The following CCDC192 variants were observed in gnomAD, a reference collection of about 807,000 sequenced individuals.
CCDC192 encodes the protein coiled-coil domain-containing protein 192.
chr5:127,733,851 T>A (rs1752791841), intron 2 of CCDC192, among the ~76,000 whole-genome samples: 1 of 151,320 alleles, frequency 6.6e-6, no homozygotes, highest in Non-Finnish European at 1.5e-5. Context: ...TCTTTTTTTT[T>A]TTTTCCAGTT....
At chr5:127,804,197 G>A (rs763327671) in intron 5 of CCDC192, among the ~76,000 whole-genome samples, 20 of 152,212 alleles carry the variant, frequency 1.3e-4, no homozygotes, top group Admixed American at 6.5e-5. Context: ...CCATAACAGA[G>A]GACATGGCCT....
chr5:127,868,871 A>G (rs1295429420), intron 5 of CCDC192, among the ~76,000 whole-genome samples: 1 of 152,234 alleles, frequency 6.6e-6, no homozygotes, highest in Non-Finnish European at 1.5e-5. Flanking sequence ...AGGCATGCAC[A>G]GCATAGTGAT....
chr5:127,925,457 C>T (rs540824414), intron 6 of CCDC192, among the ~76,000 whole-genome samples: 7 of 152,236 alleles, frequency 4.6e-5, no homozygotes, highest in East Asian at 1.9e-4. Flanking sequence ...TCCTCAAGAA[C>T]GGGGCATTTT....
chr5:127,715,195 C>A (rs963646793), intron 2 of CCDC192, among the ~76,000 whole-genome samples: 1 of 152,184 alleles, frequency 6.6e-6, no homozygotes, highest in African/African-American at 2.4e-5. Flanking sequence ...AAAAAATCCT[C>A]ACCCATACCA....
intron 5 of CCDC192, among the ~76,000 whole-genome samples, chr5:127,815,438 G>T (rs914695303): frequency 1.3e-5 from 2 of 152,092 alleles, no homozygotes; most frequent in African/African-American, 4.8e-5. Flanking sequence ...GGGATGATAG[G>T]GGGTGGGGAA....
chr5:127,940,443 AT>A (rs1554087455), intron 6 of CCDC192: 3 of 26,942 alleles, frequency 1.1e-4, no homozygotes, highest in Non-Finnish European at 1.6e-4. Flanking sequence ...CCTTTTCGTT[AT>A]TTATTTATTT....
At chr5:127,737,914 C>T (rs1336406745) in intron 2 of CCDC192, among the ~76,000 whole-genome samples, 1 of 151,728 alleles carries the variant, frequency 6.6e-6, no homozygotes, top group Non-Finnish European at 1.5e-5. Flanking sequence ...TTAATTGGAG[C>T]ATTTAGTCCA....
intron 2 of CCDC192, among the ~76,000 whole-genome samples, chr5:127,710,549 T>A (rs1751265272): frequency 1.3e-5 from 2 of 152,160 alleles, no homozygotes; most frequent in African/African-American, 4.8e-5. Flanking sequence ...GAGAAAGGAC[T>A]GAGCTTTATT....
intron 3 of CCDC192, among the ~76,000 whole-genome samples, chr5:127,796,179 G>A (rs1757155400): frequency 6.6e-6 from 1 of 152,160 alleles, no homozygotes; most frequent in Non-Finnish European, 1.5e-5. Flanking sequence ...TAGATAATGT[G>A]CTTATTTCCT....
At chr5:127,915,136 T>A (rs921795849) in intron 6 of CCDC192, among the ~76,000 whole-genome samples, 5 of 152,184 alleles carry the variant, frequency 3.3e-5, no homozygotes, top group African/African-American at 1.2e-4. Flanking sequence ...AGTCACATGA[T>A]ATTTTTGGTT....
intron 2 of CCDC192, among the ~76,000 whole-genome samples, chr5:127,738,469 T>C (rs1580563897): frequency 3.4e-5 from 5 of 145,096 alleles, no homozygotes; most frequent in Middle Eastern, 3.5e-3. Flanking sequence ...TGAATCTGAA[T>C]GTTGGCCTGC....
chr5:127,709,582 C>G (rs1045636193), intron 2 of CCDC192, among the ~76,000 whole-genome samples: 6 of 152,116 alleles, frequency 3.9e-5, no homozygotes, highest in Admixed American at 2.0e-4. Context: ...TGGTCCTAGA[C>G]AAACTGGACA....
intron 3 of CCDC192, among the ~76,000 whole-genome samples, chr5:127,779,993 C>A (rs1301990644): frequency 6.6e-6 from 1 of 151,974 alleles, no homozygotes; most frequent in Non-Finnish European, 1.5e-5. Context: ...ATTTGGTTTT[C>A]CATTTCTGAG....
intron 6 of CCDC192, among the ~76,000 whole-genome samples, chr5:127,928,826 C>A (rs940593416): frequency 1.2e-4 from 18 of 151,870 alleles, no homozygotes; most frequent in African/African-American, 4.4e-4. Context: ...AGTGCAGTGG[C>A]ATGATCTTGG....
intron 2 of CCDC192, among the ~76,000 whole-genome samples, chr5:127,734,369 T>A (rs1232239093): frequency 6.6e-6 from 1 of 152,008 alleles, no homozygotes; most frequent in East Asian, 1.9e-4. Context: ...CTATTGGGAA[T>A]AATGCCGCAA....
chr5:127,855,019 A>G (rs1751001059), intron 5 of CCDC192, among the ~76,000 whole-genome samples: 1 of 152,216 alleles, frequency 6.6e-6, no homozygotes, highest in Admixed American at 6.5e-5. Flanking sequence ...AAATGTTAAC[A>G]ATTATCCGAG....
chr5:127,922,003 A>G (rs9285908), intron 6 of CCDC192, among the ~76,000 whole-genome samples: 14,017 of 152,266 alleles, frequency 0.092, 2,122 homozygotes, highest in African/African-American at 0.32. Context: ...AGTCTCTTCA[A>G]ATGATAAATA....
At chr5:127,826,647 A>AGAGG (rs1441232772) in intron 5 of CCDC192, among the ~76,000 whole-genome samples, 2 of 146,638 alleles carry the variant, frequency 1.4e-5, no homozygotes, top group African/African-American at 2.5e-5. Context: ...ACTAGATGGG[A>AGAGG]GAGGGAGGGA....
intron 3 of CCDC192, among the ~76,000 whole-genome samples, chr5:127,783,810 G>T (rs1016342968): frequency 6.6e-6 from 1 of 152,106 alleles, no homozygotes; most frequent in Non-Finnish European, 1.5e-5. Flanking sequence ...AAATTTGGGA[G>T]CTCCAGTGTT....
Sources: gnomAD v4.1 joint callset for allele counts (sites outside exome capture counted in the v4.1 genomes callset) on GRCh38, gnomAD v4.1.1 for gene constraint, MANE v1.5 for transcripts, NCBI Gene and HGNC (gene_info 2026-07-23, HGNC 2026-07-21) for gene names.